Variants in DLG2 observed in about 807,000 individuals in gnomAD.
DLG2 encodes disks large homolog 2.
A neutral mutation model predicts 132.5 loss-of-function variants in DLG2; 45 were observed. That is an observed-to-expected ratio of 0.34 (90% confidence interval 0.27 to 0.44). The LOEUF is 0.44. Among genes scored for constraint, DLG2 ranks in the 20% least tolerant of loss-of-function variants. The probability of loss-of-function intolerance (pLI) is 1.00; values close to 1 mark genes in which losing one functional copy is unlikely to be tolerated. For missense variants in DLG2, 1,045 were observed against 1,196.9 expected, an observed-to-expected ratio of 0.87 and a Z score of 1.87; for synonymous variants, 424 against 419.6, an observed-to-expected ratio of 1.01 and a Z score of -0.13.
chr11:85,403,026 TAA>T (rs1252470374), intron 3 of DLG2, among the ~76,000 whole-genome samples: 3 of 152,126 alleles, frequency 2.0e-5, no homozygotes, highest in African/African-American at 4.8e-5. Context: ...CATGCTGCTA[TAA>T]AGACACATGT....
chr11:84,680,463 A>G (rs763849193), intron 6 of DLG2, among the ~76,000 whole-genome samples: 10 of 152,138 alleles, frequency 6.6e-5, no homozygotes, highest in Admixed American at 5.2e-4. Flanking sequence ...ACCTATCCTT[A>G]CATGCTGGTC....
At chr11:85,155,652 C>T (rs1416373771) in intron 4 of DLG2, among the ~76,000 whole-genome samples, 1 of 152,032 alleles carries the variant, frequency 6.6e-6, no homozygotes, top group Non-Finnish European at 1.5e-5. Flanking sequence ...GATGGATCAC[C>T]TGAGGTCAGG....
chr11:84,726,321 G>C (rs1393574236), intron 6 of DLG2, among the ~76,000 whole-genome samples: 2 of 152,058 alleles, frequency 1.3e-5, no homozygotes, highest in African/African-American at 4.8e-5. Flanking sequence ...ATGTCCACGT[G>C]TTCTCATTGT....
chr11:84,009,311 C>T (rs1031121716), intron 11 of DLG2, among the ~76,000 whole-genome samples: 3 of 151,852 alleles, frequency 2.0e-5, no homozygotes, highest in Admixed American at 6.6e-5. Flanking sequence ...CACCTTCGAT[C>T]GCACAAAACC....
intron 6 of DLG2, among the ~76,000 whole-genome samples, chr11:84,859,313 ATATG>A (rs1427883858): frequency 2.8e-5 from 4 of 143,300 alleles, no homozygotes; most frequent in Non-Finnish European, 4.7e-5. Flanking sequence ...ATATACCTAT[ATATG>A]TATATCTACA....
chr11:84,023,498 A>G (rs1236918872), intron 11 of DLG2, among the ~76,000 whole-genome samples: 1 of 152,194 alleles, frequency 6.6e-6, no homozygotes, highest in Non-Finnish European at 1.5e-5. Flanking sequence ...ACCTAGATTT[A>G]CTTGGCTTCA....
At chr11:84,294,252 T>C (rs990672899) in intron 7 of DLG2, among the ~76,000 whole-genome samples, 1 of 152,206 alleles carries the variant, frequency 6.6e-6, no homozygotes, top group African/African-American at 2.4e-5. Flanking sequence ...TTAAGTAATA[T>C]CTTAAAGTTA....
At chr11:83,654,353 T>C (rs149916709) in intron 18 of DLG2, among the ~76,000 whole-genome samples, 59 of 152,312 alleles carry the variant, frequency 3.9e-4, no homozygotes, top group Non-Finnish European at 6.5e-4. Context: ...CCTGACAACC[T>C]TCCTGATAAC....
chr11:85,027,082 TA>T (rs1211476269), intron 6 of DLG2, among the ~76,000 whole-genome samples: 3 of 148,352 alleles, frequency 2.0e-5, no homozygotes, highest in Non-Finnish European at 4.4e-5. Flanking sequence ...TGTCAGTCGC[TA>T]AAAGAAAGCA....
intron 6 of DLG2, among the ~76,000 whole-genome samples, chr11:84,838,919 T>G (rs2080200079): frequency 6.6e-6 from 1 of 152,126 alleles, no homozygotes; most frequent in Non-Finnish European, 1.5e-5. Flanking sequence ...AGCATTCCCT[T>G]TGAAAACTGG....
intron 6 of DLG2, among the ~76,000 whole-genome samples, chr11:84,552,670 G>A (rs1318383350): frequency 6.6e-6 from 1 of 152,140 alleles, no homozygotes; most frequent in Non-Finnish European, 1.5e-5. Flanking sequence ...TGCAAGGATT[G>A]AGTCTTGTTT....
chr11:84,804,573 T>C (rs1248214174), intron 6 of DLG2, among the ~76,000 whole-genome samples: 1 of 151,962 alleles, frequency 6.6e-6, no homozygotes, highest in Non-Finnish European at 1.5e-5. Context: ...CTAGGTTTTC[T>C]TTTGCTTCAA....
intron 6 of DLG2, among the ~76,000 whole-genome samples, chr11:84,585,877 G>A (rs531239824): frequency 5.8e-4 from 89 of 152,222 alleles, no homozygotes; most frequent in African/African-American, 2.0e-3. Flanking sequence ...TAGCGTTAAC[G>A]CTGTGGGCTT....
chr11:85,024,384 G>C (rs903642857), intron 6 of DLG2, among the ~76,000 whole-genome samples: 3 of 152,134 alleles, frequency 2.0e-5, no homozygotes, highest in Non-Finnish European at 4.4e-5. Flanking sequence ...CCAAAACTGT[G>C]TTTTTGTATC....
chr11:84,904,013 A>T (rs1380977828), intron 6 of DLG2, among the ~76,000 whole-genome samples: 1 of 152,200 alleles, frequency 6.6e-6, no homozygotes, highest in African/African-American at 2.4e-5. Context: ...AATGTTCAAC[A>T]TTATTGAGAA....
chr11:83,873,003 T>C (rs755875561), intron 16 of DLG2, among the ~76,000 whole-genome samples: 10 of 152,138 alleles, frequency 6.6e-5, no homozygotes, highest in Non-Finnish European at 8.8e-5. Context: ...GTCATTCTAG[T>C]TCTTCATTAT....
intron 7 of DLG2, among the ~76,000 whole-genome samples, chr11:84,288,253 AAATG>A (rs2097937424): frequency 1.3e-5 from 2 of 152,062 alleles, no homozygotes; most frequent in Non-Finnish European, 2.9e-5. Flanking sequence ...TGTCAGGATT[AAATG>A]AATACTTACA....
At chr11:84,311,371 C>T (rs527997532) in intron 7 of DLG2, among the ~76,000 whole-genome samples, 6 of 152,096 alleles carry the variant, frequency 3.9e-5, no homozygotes, top group East Asian at 1.9e-4. Flanking sequence ...TTTTATATAC[C>T]GTATTTTCAA....
chr11:84,411,875 T>A (rs930997600), intron 7 of DLG2, among the ~76,000 whole-genome samples: 1 of 152,170 alleles, frequency 6.6e-6, no homozygotes, highest in African/African-American at 2.4e-5. Context: ...TTCCTTGCTA[T>A]AGATTTTGGG....
Sources: gnomAD v4.1 joint callset for allele counts (sites outside exome capture counted in the v4.1 genomes callset) on GRCh38, gnomAD v4.1.1 for gene constraint, MANE v1.5 for transcripts, NCBI Gene and HGNC (gene_info 2026-07-23, HGNC 2026-07-21) for gene names.